Variants in POLQ observed in about 807,000 individuals in gnomAD.
POLQ encodes the protein epididymis secretory sperm binding protein.
POLQ carries 233 observed loss-of-function variants against 259.2 expected under a neutral mutation model. The ratio of observed to expected loss-of-function variants is 0.90; its 90% confidence interval spans 0.81 to 1.00. The LOEUF (loss-of-function observed/expected upper bound fraction) is 1.00, where lower values mean the gene tolerates loss of function less well. POLQ is among the 50% of genes least tolerant of loss of function. POLQ has a pLI of 0.00. For synonymous variants in POLQ, 1,025 were observed against 1,048.8 expected, an observed-to-expected ratio of 0.98 and a Z score of 0.44; for missense variants, 2,871 against 3,051.6, an observed-to-expected ratio of 0.94 and a Z score of 1.39.
intron 26 of POLQ, among the ~76,000 whole-genome samples, chr3:121,447,856 T>C (rs1033302741): frequency 1.3e-5 from 2 of 152,082 alleles, no homozygotes; most frequent in African/African-American, 4.8e-5. Context: ...TGTTTTTCCT[T>C]TGACACTTCA....
rs188230970 is a variant in POLQ, at chr3:121,525,931, G to A, written c.1108+3714C>T. On this transcript the variant is annotated intron_variant, in intron 7 of 29. Transcript: ENST00000264233. ...TTTTCACAATCTTTTTCATGATTTC[G>A]TTCATACCTCCACCTTTTTTTGCCA... is the stretch of plus-strand genomic sequence containing the variant. Among the ~76,000 whole-genome samples, 96 of 151,396 alleles carry A rather than the reference G, an allele frequency of 6.3e-4. 1 individual carries two copies. The highest frequency in any genetic ancestry group is 2.2e-3 in the African/African-American group (90 of 41,186).
chr3:121,537,652 C>G (rs763202151), intron 4 of POLQ, among the ~76,000 whole-genome samples: 2 of 151,894 alleles, frequency 1.3e-5, no homozygotes, highest in Non-Finnish European at 2.9e-5. Flanking sequence ...TATGACTGCG[C>G]CAAGAAGACA....
At chr3:121,456,285 G>A (rs538174165) in intron 25 of POLQ, among the ~76,000 whole-genome samples, 16 of 152,012 alleles carry the variant, frequency 1.1e-4, no homozygotes, top group African/African-American at 3.6e-4. Context: ...CACACTGAAC[G>A]GGCAAAAACT....
rs1038779575 is a variant in POLQ at position 121,476,868 on chromosome 3, C to T, written c.6212-135G>A. On this transcript the variant is annotated intron_variant, in intron 19 of 29. Coordinates refer to ENST00000264233, the MANE Select transcript of POLQ (RefSeq NM_199420.4). ...AGGTATCCTTCAGGAGCCAGTCTCC[C>T]GAGCAGCATCCTCAAGCCAACAATG... is the stretch of plus-strand genomic sequence containing the variant. 60 of 629,454 alleles carry T rather than the reference C, an allele frequency of 9.5e-5. No homozygotes were observed. In the African/African-American group the frequency reaches 9.6e-4, roughly 10 times the overall value. The allele number at this position is 629,454 out of a possible 1,614,324, so 39.0% of individuals were successfully genotyped here. A position where few individuals can be genotyped will look rare whatever the true frequency, so the allele number is the denominator to read the frequency against.
intron 6 of POLQ, 121 bp from the exon 7 acceptor site, chr3:121,529,913 A>C (rs1400458133): frequency 1.6e-6 from 1 of 644,452 alleles, no homozygotes; most frequent in Non-Finnish European, 2.6e-6. Context: ...AATGAAAATC[A>C]GTTACAAAGT....
At chr3:121,494,152 G>GC in intron 14 of POLQ, 4 of 899,120 alleles carry the variant, frequency 4.4e-6, no homozygotes, top group Non-Finnish European at 7.2e-6. Context: ...GGTGGCTCCG[G>GC]CCCCTGCTGT....
chr3:121,468,312 T>C lies in POLQ; in HGVS notation c.6838A>G (p.Met2280Val). 1 of 1,611,826 alleles carries C rather than the reference T, an allele frequency of 6.2e-7. No individual in the cohort carries two copies. The stretch of plus-strand genomic sequence containing the variant: ...CAGAGAAACAGCACCTACCTGCCCA[T>C]GGGAAGTAGGCCTTTGCCTACAGCT... ...SQAVGKGLLPMGRGKYKKGFS... is the reference protein window; with the variant it reads ...SQAVGKGLLPVGRGKYKKGFS... The change falls in exon 23 of 30, where the codon ATG (methionine) becomes GTG (valine). Residue 2280 changes from methionine (M) to valine (V), a missense_variant. Met to Val is a conservative substitution (Grantham distance 21). Transcript: ENST00000264233.
intron 15 of POLQ, 38 bp downstream of exon 15, chr3:121,493,440 T>TA (rs2048087756): frequency 1.4e-6 from 2 of 1,429,892 alleles, no homozygotes; most frequent in Non-Finnish European, 1.9e-6. Context: ...ATTTTTTTTT[T>TA]ATTTCATAAG....
In POLQ at chr3:121,442,023, T is replaced by TATCGG. The variant is rs1032841719; in HGVS notation, c.7265-1912_7265-1908dup. 5.5e-4 allele frequency among the ~76,000 whole-genome samples: 84 copies of TATCGG among 152,364 alleles called. 4 individuals carry two copies. The highest frequency in any genetic ancestry group is 4.3e-3 in the South Asian group (21 of 4,830). ...TCTTCAAATTTTCTGACTTTTAATTTATCGGATCGTCTAGCTTCTGAGCAT... is the reference window on the plus strand; with the variant it reads ...TCTTCAAATTTTCTGACTTTTAATTTATCGGATCGGATCGTCTAGCTTCTGAGCAT... On this transcript the variant is annotated intron_variant, in intron 26 of 29. Coordinates refer to ENST00000264233, the MANE Select transcript of POLQ (RefSeq NM_199420.4).
rs377344941 is a variant in POLQ at position 121,483,486 on chromosome 3, T to A, written c.5870A>T (p.Asp1957Val). The change falls in exon 18 of 30, where the codon GAT (aspartate) becomes GTT (valine). Residue 1957 changes from aspartate (D) to valine (V), a missense_variant. Coordinates refer to ENST00000264233, the MANE Select transcript of POLQ (RefSeq NM_199420.4). ...YLQSCLRKES[D>V]KECSVVIYDF... ...ATAGATGACAACAGAACATTCTTTA[T>A]CAGATTCCTTTCGCAAGCAAGATTG... 2.4e-5 allele frequency: 39 copies of A among 1,608,884 alleles called. No homozygotes were observed. The highest frequency in any genetic ancestry group is 3.3e-5 in the South Asian group (3 of 89,960).
chr3:121,494,745 G>T (rs2048101609), intron 14 of POLQ: 2 of 1,540,462 alleles, frequency 1.3e-6, no homozygotes, highest in Non-Finnish European at 1.8e-6. Flanking sequence ...GAAGACAAAG[G>T]CACTTTGGCT....
At chr3:121,526,315 C>T (rs1310301205) in intron 7 of POLQ, among the ~76,000 whole-genome samples, 1 of 152,184 alleles carries the variant, frequency 6.6e-6, no homozygotes, top group Non-Finnish European at 1.5e-5. Context: ...TCTTGTACAA[C>T]CAAAAGACTG....
chr3:121,536,193 G>A (rs1451356407), intron 5 of POLQ, among the ~76,000 whole-genome samples: 2 of 152,152 alleles, frequency 1.3e-5, no homozygotes, highest in East Asian at 1.9e-4. Context: ...TCATAATAGT[G>A]TAACACTGAA....
intron 7 of POLQ, among the ~76,000 whole-genome samples, chr3:121,528,596 GCCTCCC>G (rs1292550186): frequency 6.6e-6 from 1 of 151,944 alleles, no homozygotes; most frequent in African/African-American, 2.4e-5. Flanking sequence ...ACCCTCCTCA[GCCTCCC>G]AAAGTGCTGG....
chr3:121,467,523 G>C lies in POLQ; in HGVS notation c.6963C>G (p.Phe2321Leu), dbSNP rs1230738263. 5 of 1,613,502 alleles carry C rather than the reference G, an allele frequency of 3.1e-6. No individual in the cohort carries two copies. The highest frequency in any genetic ancestry group is 4.2e-6 in the Non-Finnish European group (5 of 1,179,702). The part of the protein sequence containing the change: ...SISMRHAFVP[F>L]PGGSILAADY... Reference sequence around the variant, plus strand: ...CAAAGCTATCAGCCACCTTACCTGGGAAAGGCACAAAGGCATGTCGCATGC... The same window carrying C: ...CAAAGCTATCAGCCACCTTACCTGGCAAAGGCACAAAGGCATGTCGCATGC... Residue 2321 changes from phenylalanine to leucine, a missense_variant, in exon 24 of 30, where the codon TTC becomes TTG. Coordinates refer to ENST00000264233, the MANE Select transcript of POLQ (RefSeq NM_199420.4).
chr3:121,541,986 A>G (rs1443081638), intron 2 of POLQ, among the ~76,000 whole-genome samples: 3 of 151,918 alleles, frequency 2.0e-5, no homozygotes, highest in Non-Finnish European at 4.4e-5. Context: ...CAAAAAAAAA[A>G]ATAGCTGGGC....
chr3:121,534,176 G>A (rs973845878), intron 5 of POLQ, among the ~76,000 whole-genome samples: 7 of 151,386 alleles, frequency 4.6e-5, no homozygotes, highest in African/African-American at 7.3e-5. Context: ...ACGCCCAGCC[G>A]ATACTGTTTC....
chr3:121,487,193 A>T, intron 16 of POLQ, 109 bp downstream of exon 16: 1 of 636,934 alleles, frequency 1.6e-6, no homozygotes, highest in Non-Finnish European at 2.6e-6. Context: ...GATACATACT[A>T]CAACTTGAAT....
intron 7 of POLQ, among the ~76,000 whole-genome samples, chr3:121,527,539 C>T (rs1384043722): frequency 6.6e-6 from 1 of 152,218 alleles, no homozygotes; most frequent in Non-Finnish European, 1.5e-5. Context: ...CATAAAACTG[C>T]ATTTTCAAAA....
Sources: allele counts gnomAD v4.1 joint callset (sites outside exome capture counted in the v4.1 genomes callset), GRCh38; gene constraint gnomAD v4.1.1; transcripts MANE v1.5; gene names NCBI Gene and HGNC (gene_info 2026-07-23, HGNC 2026-07-21).